APC2: variants seen among roughly 807,000 people sequenced by gnomAD.
The protein encoded by APC2 is APC regulator of Wnt signaling pathway 2.
Under a neutral mutation model 72.5 loss-of-function variants are expected in APC2, and 41 were observed. The observed-to-expected ratio is 0.57, with a 90% CI of 0.44 to 0.73. APC2 has a LOEUF of 0.73. Ranked by LOEUF, APC2 falls within the 30% of genes least tolerant of loss-of-function variation. The pLI, the probability that APC2 is intolerant of heterozygous loss-of-function variation, is 0.00. For synonymous variants in APC2, 1,898 were observed against 1,612.0 expected (o/e 1.18, Z -4.25); for missense variants, 3,729 against 3,403.4 (o/e 1.10, Z -2.38).
chr19:1,465,473 G>T lies in APC2; in HGVS notation c.2172G>T (p.Arg724=), dbSNP rs900519604. ...CVPSLYVRKQ[R]ALEAELDARH... is the part of the protein sequence containing the mutation. ...CCAGCCTGTACGTGCGCAAGCAGCG[G>T]GCGCTGGAGGCCGAGCTGGACGCAC... Residue 724 remains arginine, a synonymous_variant, in exon 15 of 15, where the codon CGG becomes CGT. Transcript: ENST00000590469. 7.2e-6 allele frequency: 11 copies of T among 1,529,254 alleles called. No homozygotes were observed. The highest frequency in any genetic ancestry group is 8.8e-6 in the Non-Finnish European group (10 of 1,142,812). The allele number at this position is 1,529,254 out of a possible 1,614,324, so 94.7% of individuals were successfully genotyped here.
rs1311743652 is a variant in APC2, at chr19:1,465,893, G to A, written c.2592G>A (p.Leu864=). Residue 864 remains leucine (L), a synonymous_variant, in exon 15 of 15, where the codon CTG becomes CTA. Transcript: ENST00000590469. The part of the protein sequence containing the change: ...IDQLVEDISA[L]HTSSDDSFSL... ...AGCTGGTGGAGGACATCTCCGCCCT[G>A]CACACCTCGTCCGACGATAGCTTCA... 1.9e-6 allele frequency: 3 copies of A among 1,573,342 alleles called. No homozygotes were observed. Among genetic ancestry groups the A allele is most frequent in the Non-Finnish European group, 2.6e-6 (3 of 1,165,178 alleles).
intron 4 of APC2, 28 bp downstream of exon 4, chr19:1,453,639 G>A: frequency 6.4e-7 from 1 of 1,571,632 alleles, no homozygotes. Context: ...CCCAGCCTCG[G>A]GCAGCTGGAG....
intron 8 of APC2, among the ~76,000 whole-genome samples, 180 bp downstream of exon 8, chr19:1,456,584 G>GAAAT (rs961061885): frequency 2.6e-5 from 4 of 152,152 alleles, no homozygotes; most frequent in African/African-American, 9.7e-5. Context: ...GGTGGATGGG[G>GAAAT]AAATACGTCC....
chr19:1,457,275 G>A, intron 9 of APC2, 32 bp downstream of exon 9: 3 of 1,487,814 alleles, frequency 2.0e-6, no homozygotes, highest in Non-Finnish European at 1.8e-6. Context: ...CCCCCTCCGC[G>A]CAATTAACGT....
chr19:1,460,648 C>G, intron 11 of APC2, 132 bp from the exon 12 acceptor site: 1 of 1,012,068 alleles, frequency 9.9e-7, no homozygotes, highest in Non-Finnish European at 1.5e-6. Context: ...ATGGGGTAAC[C>G]GTCCCCGGTA....
intron 3 of APC2, 23 bp from the exon 4 acceptor site, chr19:1,453,408 C>G (rs2083769958): frequency 6.2e-7 from 1 of 1,606,988 alleles, no homozygotes; most frequent in South Asian, 1.1e-5. Flanking sequence ...CCGCTGACCT[C>G]CGCCCTGTCC....
upstream of APC2, among the ~76,000 whole-genome samples, chr19:1,447,423 C>G (rs575863969): frequency 4.6e-5 from 7 of 152,130 alleles, no homozygotes; most frequent in Non-Finnish European, 1.0e-4. Flanking sequence ...GGGGAGTGAG[C>G]ATTTCATGGA....
rs1278360006 is a variant in APC2 at position 1,452,196 on chromosome 19, G to A, written c.-18-788G>A. 6.5e-6 allele frequency: 1 copy of A among 153,140 alleles called. No homozygotes were observed. The highest frequency in any genetic ancestry group is 1.9e-4 in the East Asian group (1 of 5,208). 9.5% of individuals were successfully genotyped at this position (153,140 alleles called of 1,614,324 possible). A position where few individuals can be genotyped will look rare whatever the true frequency, so the allele number is the denominator to read the frequency against. On this transcript the variant is annotated intron_variant, in intron 1 of 14. Transcript: ENST00000590469. This position sits in a 1 kb window ranked among gnomAD's most constrained non-coding sequence, Gnocchi z 5.1. ...TGGACAGAGGGAGGAGGCCAGGCCA[G>A]AGCCAGAAGACGGCCAGAGGCACAA... is the stretch of plus-strand genomic sequence containing the variant.
intron 14 of APC2, among the ~76,000 whole-genome samples, chr19:1,463,881 A>T (rs1314794119): frequency 6.6e-6 from 1 of 152,194 alleles, no homozygotes; most frequent in Non-Finnish European, 1.5e-5. Flanking sequence ...ATATACTAAA[A>T]ATTAACTTAT....
intron 11 of APC2, 74 bp from the exon 12 acceptor site, chr19:1,460,706 C>T (rs1358991196): frequency 1.4e-5 from 21 of 1,448,294 alleles, no homozygotes; most frequent in East Asian, 2.4e-5. Context: ...AGCACACAGA[C>T]GGGGCTGGGA....
chr19:1,448,873 GAA>G (rs2083712331), upstream of APC2, among the ~76,000 whole-genome samples: 2 of 151,448 alleles, frequency 1.3e-5, no homozygotes, highest in Non-Finnish European at 2.9e-5. Flanking sequence ...AAAAGAAAAA[GAA>G]AAAAGAAAAG....
chr19:1,469,767 C>T lies in APC2; in HGVS notation c.6466C>T (p.His2156Tyr), dbSNP rs1264144092. The stretch of plus-strand genomic sequence containing the variant: ...GCGCATCCGAGATGAGGACGTGCCC[C>T]ACATCCTGCGCAGCACGCTTCCCGC... ...WRRIRDEDVP[H>Y]ILRSTLPATA... Residue 2156 changes from histidine (H) to tyrosine (Y), a missense_variant, in exon 15 of 15, where the codon CAC (histidine) becomes TAC (tyrosine). Coordinates refer to ENST00000590469, the MANE Select transcript of APC2 (RefSeq NM_005883.3). 5 of 1,512,428 alleles carry T rather than the reference C, an allele frequency of 3.3e-6. No homozygotes were observed. The highest frequency in any genetic ancestry group is 3.5e-6 in the Non-Finnish European group (4 of 1,138,034). The allele number at this position is 1,512,428 out of a possible 1,614,324, so 93.7% of individuals were successfully genotyped here.
rs1786179437 is a variant in APC2, at chr19:1,472,142, C to T, written c.*1929C>T. On this transcript the variant is annotated 3_prime_UTR_variant, in exon 15 of 15. Transcript: ENST00000590469. ...CGACCTCCTGCCTGCCAGGAGCCCCCTTTCAGGACACAGCGGGGGTCTCAC... is the reference window on the plus strand; with the variant it reads ...CGACCTCCTGCCTGCCAGGAGCCCCTTTTCAGGACACAGCGGGGGTCTCAC... 1 of 152,292 alleles carries T rather than the reference C, an allele frequency of 6.6e-6. No individual in the cohort carries two copies. Among genetic ancestry groups the T allele is most frequent in the African/African-American group, 2.4e-5 (1 of 41,458 alleles). 9.4% of individuals were successfully genotyped at this position (152,292 alleles called of 1,614,324 possible).
At chr19:1,463,751 A>G (rs191673398) in intron 14 of APC2, among the ~76,000 whole-genome samples, 1 of 152,224 alleles carries the variant, frequency 6.6e-6, no homozygotes, top group Non-Finnish European at 1.5e-5. Context: ...ACCCTGTCTC[A>G]ATTTTATTTT....
In APC2 at chr19:1,466,184, G is replaced by T; in HGVS notation, c.2883G>T (p.Gln961His). ...ASRREDPRCG[Q>H]PRPSRLDLDL... The stretch of plus-strand genomic sequence containing the variant: ...GCCGCGAGGACCCCAGGTGTGGGCA[G>T]CCTCGGCCCAGCCGGCTTGACCTTG... The change falls in exon 15 of 15, where the codon CAG (glutamine) becomes CAT (histidine). Residue 961 changes from glutamine (Q) to histidine (H), a missense_variant. Transcript: ENST00000590469. The T allele has an allele frequency of 6.4e-7, 1 of 1,562,350 alleles. No individual in the cohort carries two copies.
At chr19:1,447,868 C>T (rs938247320), upstream of APC2, among the ~76,000 whole-genome samples, 1 of 152,128 alleles carries the variant, frequency 6.6e-6, no homozygotes, top group Non-Finnish European at 1.5e-5. Context: ...CCTCAGTTTC[C>T]CCATGTATAC....
At chr19:1,460,486 C>T (rs927479167) in intron 11 of APC2, among the ~76,000 whole-genome samples, 166 bp downstream of exon 11, 5 of 152,196 alleles carry the variant, frequency 3.3e-5, no homozygotes, top group African/African-American at 4.8e-5. Context: ...TGTGGGGGGA[C>T]GGGAGCGCGT....
Position 1,457,962 on chromosome 19 carries a change from C to CA in APC2, c.1208-2dup. The CA allele has an allele frequency of 6.4e-7, 1 of 1,551,394 alleles. No individual in the cohort carries two copies. The highest frequency in any genetic ancestry group is 1.2e-5 in the South Asian group (1 of 84,218). On this transcript the variant is annotated splice_polypyrimidine_tract_variant and splice_region_variant and intron_variant, in intron 9 of 14. Coordinates refer to ENST00000590469, the MANE Select transcript of APC2 (RefSeq NM_005883.3). The stretch of plus-strand genomic sequence containing the variant: ...GGCTCTGATCTGGTCCCTGTGCCCA[C>CA]AGCCCCGATCCCCATCGAGCCGCAG...
rs545418846 is a variant in APC2, at chr19:1,470,921, T to G, written c.*708T>G. The G allele has an allele frequency of 6.6e-6, 1 of 152,430 alleles. No individual in the cohort carries two copies. The highest frequency in any genetic ancestry group is 2.4e-5 in the African/African-American group (1 of 41,588). 9.4% of individuals were successfully genotyped at this position (152,430 alleles called of 1,614,324 possible). On this transcript the variant is annotated 3_prime_UTR_variant, in exon 15 of 15. Transcript: ENST00000590469. The stretch of plus-strand genomic sequence containing the variant: ...GCAGAGGCCAACGGATCCCCCTGCC[T>G]GTCGCACCCCTTGGCGGGAGACGGG...
Sources: gnomAD v4.1 joint callset for allele counts (sites outside exome capture counted in the v4.1 genomes callset) on GRCh38, gnomAD v4.1.1 for gene constraint, Gnocchi (gnomAD v3.1) non-coding constraint, MANE v1.5 for transcripts, NCBI Gene and HGNC (gene_info 2026-07-23, HGNC 2026-07-21) for gene names.